The following TENM2 variants were observed in gnomAD, a reference collection of about 807,000 sequenced individuals.
TENM2 encodes the protein teneurin-2.
Under a neutral mutation model 245.2 loss-of-function variants are expected in TENM2, and 52 were observed. The ratio of observed to expected loss-of-function variants is 0.21; its 90% confidence interval spans 0.17 to 0.27. The LOEUF (loss-of-function observed/expected upper bound fraction) is 0.27. Ranked by LOEUF, TENM2 falls within the 10% of genes least tolerant of loss-of-function variation. The pLI is 1.00. For missense variants in TENM2, 3,046 were observed against 3,666.8 expected (o/e 0.83, Z 4.37); for synonymous variants, 1,363 against 1,438.9 (o/e 0.95, Z 1.19).
At chr5:167,886,303 T>A (rs982375250) in intron 3 of TENM2, among the ~76,000 whole-genome samples, 11 of 152,040 alleles carry the variant, frequency 7.2e-5, no homozygotes, top group African/African-American at 2.2e-4. Context: ...AAAAGACAAT[T>A]CCAGAAAAAA....
intron 2 of TENM2, among the ~76,000 whole-genome samples, chr5:167,658,205 G>A (rs1040832880): frequency 2.0e-5 from 3 of 150,770 alleles, no homozygotes; most frequent in Admixed American, 6.6e-5. Flanking sequence ...AATGCTGTGC[G>A]AAGCCTTTTT....
chr5:167,944,663 G>A (rs754248609), intron 3 of TENM2, among the ~76,000 whole-genome samples: 84 of 152,336 alleles, frequency 5.5e-4, no homozygotes, highest in Middle Eastern at 3.4e-3. Flanking sequence ...ATTTGCCAGA[G>A]GCTATGGGAG....
At chr5:167,108,290 T>G in the TENM2 span, among the ~76,000 whole-genome samples, 2 of 152,138 alleles carry the variant, frequency 1.3e-5, no homozygotes, top group African/African-American at 4.8e-5. Flanking sequence ...CACGTCCAGC[T>G]AGTTTTTGTA....
intron 1 of TENM2, among the ~76,000 whole-genome samples, chr5:167,295,129 G>A (rs1360405039): frequency 6.6e-6 from 1 of 152,176 alleles, no homozygotes; most frequent in Non-Finnish European, 1.5e-5. Context: ...AACTACCAGG[G>A]AATTTGCTCT....
At chr5:168,156,909 C>A (rs971119331) in intron 12 of TENM2, among the ~76,000 whole-genome samples, 1 of 152,150 alleles carries the variant, frequency 6.6e-6, no homozygotes, top group Admixed American at 6.5e-5. Flanking sequence ...ATAGCAGGAA[C>A]GCCTGGGGCA....
chr5:167,167,654 T>G, the TENM2 span, among the ~76,000 whole-genome samples: 3 of 152,234 alleles, frequency 2.0e-5, no homozygotes, highest in Non-Finnish European at 4.4e-5. Flanking sequence ...ACATAGCACG[T>G]TATATGTAGG....
intron 13 of TENM2, among the ~76,000 whole-genome samples, chr5:168,178,906 G>C (rs778879993): frequency 4.6e-5 from 7 of 152,022 alleles, no homozygotes; most frequent in Non-Finnish European, 8.8e-5. Flanking sequence ...AGGCCGAGGC[G>C]GATGGATCAC....
At chr5:167,376,241 T>A (rs1481734664) in intron 2 of TENM2, among the ~76,000 whole-genome samples, 2 of 152,222 alleles carry the variant, frequency 1.3e-5, no homozygotes, top group African/African-American at 4.8e-5. Flanking sequence ...GTGTGTTTAG[T>A]CAAAAACATT....
In TENM2 at chr5:167,787,812, G is replaced by A. The variant is rs879659215; in HGVS notation, c.503-88174G>A. 9.9e-5 allele frequency among the ~76,000 whole-genome samples: 15 copies of A among 152,150 alleles called. No individual in the cohort carries two copies. The East Asian group carries it at 1.2e-3, about 12-fold the overall frequency. ...GTTGGGAGTGTGAGTGAGTTGCCCC[G>A]CTAAAGGAAAACTAGAGGATTGTTG... On this transcript the variant is annotated intron_variant, in intron 2 of 28. Transcript: ENST00000518659.
intron 2 of TENM2, among the ~76,000 whole-genome samples, chr5:167,536,003 A>G (rs761135329): frequency 1.3e-5 from 2 of 152,178 alleles, no homozygotes; most frequent in Non-Finnish European, 2.9e-5. Context: ...GGTTGCATCC[A>G]GTAAAAAGGG....
At chr5:168,107,101 A>G (rs1413704161) in intron 9 of TENM2, among the ~76,000 whole-genome samples, 1 of 152,100 alleles carries the variant, frequency 6.6e-6, no homozygotes. Flanking sequence ...TCAGAGCCTG[A>G]TGCTGTTACC....
At chr5:168,047,587 A>G in intron 6 of TENM2, 38 bp downstream of exon 8, 3 of 1,544,436 alleles carry the variant, frequency 1.9e-6, no homozygotes, top group Non-Finnish European at 1.7e-6. Flanking sequence ...TTGAGGTCAC[A>G]GGAAAATTCT....
the TENM2 span, among the ~76,000 whole-genome samples, chr5:167,137,562 T>G: frequency 6.6e-6 from 1 of 152,128 alleles, no homozygotes; most frequent in Non-Finnish European, 1.5e-5. Flanking sequence ...TGATGGAGCT[T>G]GAGAGTTGGG....
chr5:167,484,407 A>C (rs566198053), intron 2 of TENM2, among the ~76,000 whole-genome samples: 1 of 152,124 alleles, frequency 6.6e-6, no homozygotes, highest in Admixed American at 6.5e-5. Flanking sequence ...AGCGCTGTGC[A>C]TGAAAGAAGG....
At chr5:167,872,432 AAGC>A (rs1318044544) in intron 2 of TENM2, among the ~76,000 whole-genome samples, 1 of 151,288 alleles carries the variant, frequency 6.6e-6, no homozygotes, top group Non-Finnish European at 1.5e-5. Flanking sequence ...GACAGAAAGA[AAGC>A]AAACAAGCAC....
intron 5 of TENM2, among the ~76,000 whole-genome samples, chr5:168,001,476 G>C (rs990019739): frequency 1.3e-5 from 2 of 152,216 alleles, no homozygotes; most frequent in Admixed American, 6.5e-5. Context: ...TGTAAATGAG[G>C]ATGTACTAAG....
intron 7 of TENM2, chr5:168,088,078 C>G (rs1389235276): frequency 6.6e-6 from 1 of 152,192 alleles, no homozygotes; most frequent in Non-Finnish European, 1.5e-5. Flanking sequence ...ATTTCTGTTT[C>G]CCTTGGCTGG....
chr5:167,675,905 AGTTACTGT>A (rs1756291366), intron 2 of TENM2, among the ~76,000 whole-genome samples: 1 of 152,068 alleles, frequency 6.6e-6, no homozygotes, highest in African/African-American at 2.4e-5. Flanking sequence ...ATGTTATCCC[AGTTACTGT>A]ACACTGCTCA....
chr5:167,185,844 C>T, the TENM2 span, among the ~76,000 whole-genome samples: 1 of 152,184 alleles, frequency 6.6e-6, no homozygotes, highest in East Asian at 1.9e-4. Flanking sequence ...GCCTGTCTCA[C>T]TTCAGATTTG....
Sources: gnomAD v4.1 joint callset for allele counts (sites outside exome capture counted in the v4.1 genomes callset) on GRCh38, gnomAD v4.1.1 for gene constraint, MANE v1.5 for transcripts, NCBI Gene and HGNC (gene_info 2026-07-23, HGNC 2026-07-21) for gene names.